RAPGEF2: variants seen among roughly 807,000 people sequenced by gnomAD.
The protein encoded by RAPGEF2 is PDZ domain containing guanine nucleotide exchange factor (GEF) 1.
Under a neutral mutation model 186.7 loss-of-function variants are expected in RAPGEF2, and 54 were observed. The ratio of observed to expected loss-of-function variants is 0.29; its 90% CI spans 0.23 to 0.36. The LOEUF (loss-of-function observed/expected upper bound fraction) is 0.36, where lower values mean the gene tolerates loss of function less well. Ranked by LOEUF, RAPGEF2 falls within the 10% of genes least tolerant of loss-of-function variation. RAPGEF2 has a pLI of 1.00. For missense variants in RAPGEF2, 1,532 were observed against 2,045.0 expected (o/e 0.75, Z 4.84); for synonymous variants, 712 against 705.9 (o/e 1.01, Z -0.14).
At chr4:159,176,085 G>T (rs1374691108) in intron 1 of RAPGEF2, among the ~76,000 whole-genome samples, 1 of 152,230 alleles carries the variant, frequency 6.6e-6, no homozygotes, top group Non-Finnish European at 1.5e-5. Flanking sequence ...CAGAAAGGAA[G>T]TGTTCACTGC....
chr4:159,248,789 T>G (rs1579599822), intron 7 of RAPGEF2, among the ~76,000 whole-genome samples: 1 of 152,376 alleles, frequency 6.6e-6, no homozygotes, highest in Non-Finnish European at 1.5e-5. Context: ...CTCATGCTAT[T>G]AACAGCATGC....
chr4:159,247,678 C>T (rs1488539386), intron 7 of RAPGEF2, among the ~76,000 whole-genome samples: 1 of 149,254 alleles, frequency 6.7e-6, no homozygotes, highest in Non-Finnish European at 1.5e-5. Flanking sequence ...GTGGCTAGAA[C>T]ATGGCAACTG....
chr4:159,254,781 A>G (rs930448215), intron 7 of RAPGEF2, among the ~76,000 whole-genome samples: 6 of 151,860 alleles, frequency 4.0e-5, no homozygotes, highest in African/African-American at 1.2e-4. Context: ...GCTAATTTTT[A>G]GTAGAAACAG....
intron 1 of RAPGEF2, among the ~76,000 whole-genome samples, chr4:159,135,588 C>G (rs1741633070): frequency 6.6e-6 from 1 of 151,860 alleles, no homozygotes; most frequent in Non-Finnish European, 1.5e-5. Flanking sequence ...TATTTTGTCC[C>G]CATTTTAATT....
At chr4:159,132,450 A>G (rs1182578702) in intron 1 of RAPGEF2, among the ~76,000 whole-genome samples, 1 of 152,162 alleles carries the variant, frequency 6.6e-6, no homozygotes, top group Non-Finnish European at 1.5e-5. Flanking sequence ...GTCTGTGGCA[A>G]GGAGTCTTGT....
chr4:159,255,356 G>GTTT (rs59760897), intron 7 of RAPGEF2, among the ~76,000 whole-genome samples: 1 of 145,436 alleles, frequency 6.9e-6, no homozygotes, highest in African/African-American at 2.5e-5. Context: ...TGAATATATA[G>GTTT]TTTTTTTTTT....
At chr4:159,135,266 G>A (rs749820238) in intron 1 of RAPGEF2, among the ~76,000 whole-genome samples, 18 of 152,008 alleles carry the variant, frequency 1.2e-4, no homozygotes, top group Admixed American at 3.3e-4. Context: ...AGCTCGTCTC[G>A]AACTTCTGGG....
At chr4:159,304,304 T>A in intron 7 of RAPGEF2, 38 bp from the exon 8 acceptor site, 1 of 1,540,256 alleles carries the variant, frequency 6.5e-7, no homozygotes, top group Non-Finnish European at 8.9e-7. Context: ...AGTTCTTGAT[T>A]CAGATTGTAA....
chr4:159,304,289 C>T lies in RAPGEF2; in HGVS notation c.544-53C>T, dbSNP rs182896381. The T allele has an allele frequency of 2.5e-3, 3,676 of 1,482,028 alleles. 12 individuals carry two copies. Among genetic ancestry groups the T allele is most frequent in the Non-Finnish European group, 3.0e-3 (3,293 of 1,084,610 alleles). The allele number at this position is 1,482,028 out of a possible 1,614,324, so 91.8% of individuals were successfully genotyped here. The stretch of plus-strand genomic sequence containing the variant: ...TGATATTTTAATTTTAAAATGTCTT[C>T]TTGGAGTTCTTGATTCAGATTGTAA... On this transcript the variant is annotated intron_variant, in intron 7 of 29. Coordinates refer to ENST00000691494, the MANE Select transcript of RAPGEF2 (RefSeq NM_001394067.2).
intron 7 of RAPGEF2, among the ~76,000 whole-genome samples, chr4:159,244,899 T>C (rs546407476): frequency 6.6e-6 from 1 of 152,118 alleles, no homozygotes; most frequent in East Asian, 1.9e-4. Context: ...TTTTATGTAA[T>C]TTTAAAATTT....
At position 159,314,579 on chromosome 4, in the gene RAPGEF2, G is replaced by A. The variant is rs1247016706; in HGVS notation, c.676-12G>A. The A allele has an allele frequency of 3.1e-6, 5 of 1,589,978 alleles. No individual in the cohort carries two copies. The highest frequency in any genetic ancestry group is 1.4e-5 in the African/African-American group (1 of 73,064). ...TTAAAATAGTTTTTAATTTTTGTGTGTGTGTCTTAAGGCCACAGAAAGCGA... is the reference window on the plus strand; with the variant it reads ...TTAAAATAGTTTTTAATTTTTGTGTATGTGTCTTAAGGCCACAGAAAGCGA... On this transcript the variant is annotated splice_polypyrimidine_tract_variant and intron_variant, in intron 8 of 29. Coordinates refer to ENST00000691494, the MANE Select transcript of RAPGEF2 (RefSeq NM_001394067.2).
chr4:159,331,984 T>G lies in RAPGEF2; in HGVS notation c.1838T>G (p.Ile613Ser). 6.2e-7 allele frequency: 1 copy of G among 1,609,712 alleles called. No individual in the cohort carries two copies. The highest frequency in any genetic ancestry group is 8.5e-7 in the Non-Finnish European group (1 of 1,178,732). ...ENIQLSKAME[I>S]LRNNTHLSIT... is the part of the protein sequence containing the mutation. ...ATTCAGCTGTCAAAAGCTATGGAAA[T>G]TCTTAGAAATAACACACATTTATCT... is the stretch of plus-strand genomic sequence containing the variant. Residue 613 changes from isoleucine (I) to serine (S), a missense_variant, in exon 16 of 30, where the codon ATT (isoleucine) becomes AGT (serine). By Grantham distance (142) the Ile-to-Ser change is moderately radical (BLOSUM62 -2). This residue lies in a region of RAPGEF2 where 810 missense variants were observed against 1,210.5 expected (regional missense o/e 0.67). Transcript: ENST00000691494.
At chr4:159,303,840 C>T (rs1047938201) in intron 7 of RAPGEF2, among the ~76,000 whole-genome samples, 1 of 152,068 alleles carries the variant, frequency 6.6e-6, no homozygotes, top group African/African-American at 2.4e-5. Flanking sequence ...GCATTCTTTT[C>T]TCTTTCTTTG....
chr4:159,296,204 C>T (rs911285603), intron 7 of RAPGEF2, among the ~76,000 whole-genome samples: 2 of 152,144 alleles, frequency 1.3e-5, no homozygotes, highest in African/African-American at 4.8e-5. Context: ...TGTTATACAG[C>T]ACTGTGTCAT....
chr4:159,134,239 A>T (rs1489694775), intron 1 of RAPGEF2, among the ~76,000 whole-genome samples: 1 of 152,168 alleles, frequency 6.6e-6, no homozygotes, highest in African/African-American at 2.4e-5. Flanking sequence ...CATATAGTGT[A>T]CAGTCTTTTT....
At chr4:159,170,434 C>G (rs917212560) in intron 1 of RAPGEF2, among the ~76,000 whole-genome samples, 2 of 152,086 alleles carry the variant, frequency 1.3e-5, no homozygotes, top group Non-Finnish European at 2.9e-5. Flanking sequence ...ACAGTAAAAA[C>G]TAATACAGTA....
intron 1 of RAPGEF2, among the ~76,000 whole-genome samples, chr4:159,121,407 C>T (rs1309822706): frequency 6.6e-6 from 1 of 151,546 alleles, no homozygotes; most frequent in African/African-American, 2.4e-5. Context: ...CTGTCTGTTG[C>T]CCAGGCTGGA....
chr4:159,235,892 A>G (rs1297920227), intron 4 of RAPGEF2, among the ~76,000 whole-genome samples: 1 of 152,076 alleles, frequency 6.6e-6, no homozygotes, highest in African/African-American at 2.4e-5. Flanking sequence ...CCAACCTTAT[A>G]GCTTCTGGTT....
intron 1 of RAPGEF2, among the ~76,000 whole-genome samples, chr4:159,180,319 T>C (rs1746879251): frequency 6.6e-6 from 1 of 152,210 alleles, no homozygotes; most frequent in African/African-American, 2.4e-5. Flanking sequence ...GATTTCTTGA[T>C]GTCTTTGCCA....
Sources: allele counts gnomAD v4.1 joint callset (sites outside exome capture counted in the v4.1 genomes callset), GRCh38; gene constraint gnomAD v4.1.1; regional missense constraint gnomAD v4.1.1; transcripts MANE v1.5; gene names NCBI Gene and HGNC (gene_info 2026-07-23, HGNC 2026-07-21).